Variants in FAM20C observed in about 807,000 individuals in gnomAD.
FAM20C encodes the protein extracellular serine/threonine protein kinase FAM20C.
A neutral mutation model predicts 51.5 loss-of-function variants in FAM20C; 40 were observed. The ratio of observed to expected loss-of-function variants is 0.78; its 90% CI spans 0.60 to 1.01. The LOEUF (loss-of-function observed/expected upper bound fraction) is 1.01, where lower values mean the gene tolerates loss of function less well. FAM20C is among the 50% of genes least tolerant of loss of function. The probability of loss-of-function intolerance (pLI) is 0.00; values close to 1 mark genes in which losing one functional copy is unlikely to be tolerated. For missense variants in FAM20C, 861 were observed against 844.7 expected (o/e 1.02, Z -0.24); for synonymous variants, 406 against 380.6 (o/e 1.07, Z -0.78).
rs117277778 is a variant in FAM20C, at chr7:211,848, C to T, written c.863+2872C>T. On this transcript the variant is annotated intron_variant, in intron 3 of 9. Coordinates refer to ENST00000313766, the MANE Select transcript of FAM20C (RefSeq NM_020223.4). ...CTCCGTCTTCCCACAGGGCACGTGG[C>T]GGGCGGAGGCAGGGACCCCACACCT... is the stretch of plus-strand genomic sequence containing the variant. 5.4e-4 allele frequency among the ~76,000 whole-genome samples: 82 copies of T among 152,310 alleles called. No homozygotes were observed. In the East Asian group the frequency reaches 0.014, roughly 27 times the overall value.
intron 6 of FAM20C, 83 bp downstream of exon 6, chr7:256,112 C>T (rs1788581380): frequency 8.8e-6 from 13 of 1,474,422 alleles, no homozygotes; most frequent in Non-Finnish European, 1.1e-5. Flanking sequence ...AGGGTCGGCG[C>T]CCACGGGGGT....
chr7:256,726 G>A lies in FAM20C; in HGVS notation c.1326G>A (p.Leu442=). The change falls in exon 7 of 10, where the codon CTG becomes CTA. Residue 442 remains leucine (L), a synonymous_variant. Transcript: ENST00000313766. ...TPPYDSSHRI[L]DVMDMTIFDF... is the part of the protein sequence containing the mutation. The stretch of plus-strand genomic sequence containing the variant: ...CCTACGACAGCAGCCACCGCATCCT[G>A]GACGTCATGGACATGACGATCTTCG... 6.5e-7 allele frequency: 1 copy of A among 1,536,202 alleles called. No homozygotes were observed. The highest frequency in any genetic ancestry group is 8.7e-7 in the Non-Finnish European group (1 of 1,146,842).
chr7:248,261 G>A (rs1788248809), intron 4 of FAM20C, 54 bp from the exon 5 acceptor site: 1 of 1,326,082 alleles, frequency 7.5e-7, no homozygotes, highest in African/African-American at 1.5e-5. Context: ...CAGGGACACA[G>A]AGGCCCGCTG....
At chr7:222,795 T>G (rs1396123182) in intron 3 of FAM20C, among the ~76,000 whole-genome samples, 4 of 152,108 alleles carry the variant, frequency 2.6e-5, no homozygotes, top group African/African-American at 9.7e-5. Flanking sequence ...TGGGTGTGCA[T>G]TGCCTGTGTA....
At chr7:199,583 C>T (rs1207579616) in intron 2 of FAM20C, among the ~76,000 whole-genome samples, 1 of 152,216 alleles carries the variant, frequency 6.6e-6, no homozygotes, top group Non-Finnish European at 1.5e-5. Context: ...TCTCCAAAGC[C>T]TTCCCTCGGA....
At chr7:241,496 G>A (rs1787944891) in intron 3 of FAM20C, among the ~76,000 whole-genome samples, 1 of 152,122 alleles carries the variant, frequency 6.6e-6, no homozygotes, top group Non-Finnish European at 1.5e-5. Context: ...AAAGATCGAT[G>A]GAGCCGGGTC....
intron 2 of FAM20C, chr7:197,062 G>T: frequency 6.0e-6 from 1 of 165,584 alleles, no homozygotes. Flanking sequence ...CGTCCCTTCT[G>T]CCCCTGAGAG....
intron 3 of FAM20C, chr7:228,459 G>T (rs978399677): frequency 3.9e-5 from 18 of 456,018 alleles, no homozygotes; most frequent in African/African-American, 3.4e-4. Context: ...TGGTGTCACG[G>T]CTCAGTGTGG....
At chr7:212,818 C>T (rs1786784352) in intron 3 of FAM20C, among the ~76,000 whole-genome samples, 1 of 152,182 alleles carries the variant, frequency 6.6e-6, no homozygotes, top group East Asian at 1.9e-4. Flanking sequence ...AGATATAATT[C>T]ACAAGCCATG....
chr7:211,559 C>T (rs1167958338), intron 3 of FAM20C, among the ~76,000 whole-genome samples: 1 of 152,036 alleles, frequency 6.6e-6, no homozygotes, highest in Non-Finnish European at 1.5e-5. Flanking sequence ...CGCCAGGCTC[C>T]AGAGCCCCCT....
rs1230736197 is a variant in FAM20C at position 230,131 on chromosome 7, C to T, written c.864-16284C>T. ...GGAGGTGTGGTTAAATTAAAGACTTCGAGATGAGGACTTTCCCTGGGCCCA... is the reference window on the plus strand; with the variant it reads ...GGAGGTGTGGTTAAATTAAAGACTTTGAGATGAGGACTTTCCCTGGGCCCA... On this transcript the variant is annotated intron_variant, in intron 3 of 9. Transcript: ENST00000313766. Among the ~76,000 whole-genome samples, 8 of 152,126 alleles carry T rather than the reference C, an allele frequency of 5.3e-5. No individual in the cohort carries two copies. In the South Asian group the frequency reaches 1.0e-3, roughly 20 times the overall value.
chr7:259,628 C>T lies in FAM20C; in HGVS notation c.1506-103C>T, dbSNP rs1788802607. The T allele has an allele frequency of 1.2e-5, 15 of 1,289,254 alleles. No homozygotes were observed. In the South Asian group the frequency reaches 2.1e-4, roughly 18 times the overall value. The allele number at this position is 1,289,254 out of a possible 1,614,324, so 79.9% of individuals were successfully genotyped here. On this transcript the variant is annotated intron_variant, in intron 9 of 9. Transcript: ENST00000313766. ...TCTGTCCCCCTCTTTCTCTCTCTGTCTCTCCCCCCACTCTCTCGATCTCCC... is the reference window on the plus strand; with the variant it reads ...TCTGTCCCCCTCTTTCTCTCTCTGTTTCTCCCCCCACTCTCTCGATCTCCC...
At chr7:200,312 A>G (rs968943670) in intron 2 of FAM20C, among the ~76,000 whole-genome samples, 2 of 150,520 alleles carry the variant, frequency 1.3e-5, no homozygotes, top group Admixed American at 6.6e-5. Context: ...AAGATGCCCA[A>G]TTAGCTGGAC....
intron 3 of FAM20C, among the ~76,000 whole-genome samples, chr7:219,152 C>T (rs1407259730): frequency 6.6e-6 from 1 of 152,120 alleles, no homozygotes; most frequent in Admixed American, 6.5e-5. Flanking sequence ...GTCCCTTCTC[C>T]GTGATGCAGG....
intron 1 of FAM20C, 24 bp downstream of exon 1, chr7:193,828 C>A: frequency 6.5e-7 from 1 of 1,549,204 alleles, no homozygotes; most frequent in Non-Finnish European, 8.7e-7. Flanking sequence ...GGCAGGTGCC[C>A]ACCCCCAAGG....
intron 3 of FAM20C, among the ~76,000 whole-genome samples, chr7:242,581 C>T (rs984946092): frequency 3.3e-5 from 5 of 151,958 alleles, no homozygotes; most frequent in Admixed American, 6.6e-5. Flanking sequence ...GGCCAGGGAG[C>T]GGGATGGACA....
Position 192,847 on chromosome 7 carries a change from A to G in FAM20C, c.-353A>G, listed in dbSNP as rs912236545. On this transcript the variant is annotated 5_prime_UTR_variant, in exon 1 of 10. Coordinates refer to ENST00000313766, the MANE Select transcript of FAM20C (RefSeq NM_020223.4). ...GTCGCGCCCCGGCCGGGATGGACCC[A>G]CACGCCCGATGAGCCCCGCGCCGGC... 3 of 144,176 alleles carry G rather than the reference A, an allele frequency of 2.1e-5. No homozygotes were observed. Among genetic ancestry groups the G allele is most frequent in the African/African-American group, 7.6e-5 (3 of 39,574 alleles). 8.9% of individuals were successfully genotyped at this position (144,176 alleles called of 1,614,324 possible).
intron 3 of FAM20C, among the ~76,000 whole-genome samples, chr7:241,063 G>A (rs1787933615): frequency 7.7e-6 from 1 of 130,498 alleles, no homozygotes. Context: ...CGGGGCTTAC[G>A]GGCTGGGGTG....
intron 3 of FAM20C, among the ~76,000 whole-genome samples, chr7:219,037 T>C (rs1302559662): frequency 3.9e-5 from 6 of 152,066 alleles, no homozygotes; most frequent in African/African-American, 1.2e-4. Context: ...GGACATAAAG[T>C]GAGGGTTCCC....
Sources: allele counts gnomAD v4.1 joint callset (sites outside exome capture counted in the v4.1 genomes callset), GRCh38; gene constraint gnomAD v4.1.1; transcripts MANE v1.5; gene names NCBI Gene and HGNC (gene_info 2026-07-23, HGNC 2026-07-21).